The following PTPRN2 variants were observed in gnomAD, a reference collection of about 807,000 sequenced individuals.
PTPRN2 encodes protein tyrosine phosphatase receptor type N2.
In PTPRN2, 74 loss-of-function variants were observed where a neutral mutation model predicts 118.8. The observed-to-expected ratio is 0.62, with a 90% CI of 0.52 to 0.76. The LOEUF is 0.76. Ranked by LOEUF, PTPRN2 falls within the 30% of genes least tolerant of loss-of-function variation. PTPRN2 has a pLI of 0.00. For missense variants in PTPRN2, 1,481 were observed against 1,394.4 expected, an observed-to-expected ratio of 1.06 and a Z score of -0.99; for synonymous variants, 641 against 608.0, an observed-to-expected ratio of 1.05 and a Z score of -0.80.
chr7:157,786,141 C>T (rs376782666), intron 12 of PTPRN2, among the ~76,000 whole-genome samples: 5 of 152,298 alleles, frequency 3.3e-5, no homozygotes, highest in African/African-American at 1.2e-4. Context: ...CCCAGGCCCT[C>T]GGGCCAGCCC....
intron 2 of PTPRN2, among the ~76,000 whole-genome samples, chr7:158,367,118 T>C (rs1479474653): frequency 6.6e-6 from 1 of 152,174 alleles, no homozygotes; most frequent in Non-Finnish European, 1.5e-5. Flanking sequence ...TGCCCCAGGC[T>C]GCAGGGACAC....
At chr7:158,330,677 G>C (rs1323974126) in intron 2 of PTPRN2, among the ~76,000 whole-genome samples, 1 of 92,702 alleles carries the variant, frequency 1.1e-5, no homozygotes, top group African/African-American at 3.3e-5. Flanking sequence ...TAAGAGCTGA[G>C]GCACAAAGAG....
chr7:158,578,754 CTTT>C (rs1007986775), intron 1 of PTPRN2, among the ~76,000 whole-genome samples: 1 of 146,534 alleles, frequency 6.8e-6, no homozygotes, highest in Non-Finnish European at 1.5e-5. Flanking sequence ...TACTTCTTCT[CTTT>C]TTTTTTTTGT....
intron 2 of PTPRN2, among the ~76,000 whole-genome samples, chr7:158,469,034 G>GGC (rs1819631412): frequency 7.3e-6 from 1 of 137,920 alleles, no homozygotes; most frequent in Non-Finnish European, 1.6e-5. Context: ...CACACACTCC[G>GGC]GGTGGATCAA....
chr7:158,517,475 G>T lies in PTPRN2; in HGVS notation c.113-27690C>A, dbSNP rs1823654711. 6.6e-6 allele frequency among the ~76,000 whole-genome samples: 1 copy of T among 152,092 alleles called. No individual in the cohort carries two copies. The highest frequency in any genetic ancestry group is 1.5e-5 in the Non-Finnish European group (1 of 67,986). The stretch of plus-strand genomic sequence containing the variant: ...GTCCTTCCCAGACATCTCTTAAGGG[G>T]CCTGACTCTGCCTCAGCCCCACCGC... On this transcript the variant is annotated intron_variant, in intron 1 of 22. Transcript: ENST00000389418. This position sits in a 1 kb window ranked among gnomAD's most constrained non-coding sequence, Gnocchi z 5.3.
intron 9 of PTPRN2, among the ~76,000 whole-genome samples, chr7:158,117,393 A>C (rs201031772): frequency 1.3e-5 from 2 of 151,708 alleles, no homozygotes; most frequent in East Asian, 4.0e-4. Context: ...AGATTGAAGA[A>C]AAGTGACAAA....
chr7:157,567,749 C>T (rs777147847), intron 21 of PTPRN2, among the ~76,000 whole-genome samples: 2 of 152,172 alleles, frequency 1.3e-5, no homozygotes, highest in African/African-American at 2.4e-5. Context: ...TGTTTATTCA[C>T]AGCTGGGAAA....
In PTPRN2 at chr7:157,785,049, A is replaced by G. The variant is rs201092819; in HGVS notation, c.1789-102112T>C. Reference sequence around the variant, plus strand: ...CATTTTTCCACTTGTAACGGCTGTTACAGCCGCTGTTTCATCGCGTCGTCA... The same window carrying G: ...CATTTTTCCACTTGTAACGGCTGTTGCAGCCGCTGTTTCATCGCGTCGTCA... On this transcript the variant is annotated intron_variant, in intron 12 of 22. Transcript: ENST00000389418. This position sits in a 1 kb window ranked among gnomAD's most constrained non-coding sequence, Gnocchi z 7.3. 6.6e-6 allele frequency among the ~76,000 whole-genome samples: 1 copy of G among 151,994 alleles called. No homozygotes were observed. The highest frequency in any genetic ancestry group is 6.5e-5 in the Admixed American group (1 of 15,276).
chr7:158,077,507 C>G (rs1445392186), intron 11 of PTPRN2, among the ~76,000 whole-genome samples: 1 of 140,630 alleles, frequency 7.1e-6, no homozygotes. Flanking sequence ...GACAGGAGCC[C>G]CCCATGAGCC....
chr7:158,303,168 C>CAAAAAAAA (rs542953447), intron 3 of PTPRN2, among the ~76,000 whole-genome samples: 11 of 119,886 alleles, frequency 9.2e-5, no homozygotes, highest in African/African-American at 3.3e-4. Flanking sequence ...ACTAACCCAC[C>CAAAAAAAA]AAAAAAAAAA....
chr7:158,236,393 C>A (rs1829548381), intron 3 of PTPRN2, among the ~76,000 whole-genome samples: 1 of 152,118 alleles, frequency 6.6e-6, no homozygotes, highest in Non-Finnish European at 1.5e-5. Context: ...ACCCCTCTAG[C>A]CACCGTGCTC....
At chr7:158,326,842 C>CAT (rs1232351263) in intron 2 of PTPRN2, among the ~76,000 whole-genome samples, 2 of 826 alleles carry the variant, frequency 2.4e-3, no homozygotes, top group Non-Finnish European at 6.1e-3. Flanking sequence ...CTCTCACATG[C>CAT]ATTCTCACAC....
intron 2 of PTPRN2, among the ~76,000 whole-genome samples, chr7:158,399,345 C>G (rs1812769699): frequency 6.6e-6 from 1 of 152,140 alleles, no homozygotes; most frequent in South Asian, 2.1e-4. Context: ...CAGAAGCAGA[C>G]CTGGAATAAG....
intron 11 of PTPRN2, among the ~76,000 whole-genome samples, chr7:158,064,187 A>G (rs1352409405): frequency 6.6e-6 from 1 of 152,218 alleles, no homozygotes; most frequent in African/African-American, 2.4e-5. Context: ...TGAATTCCAC[A>G]TAGTTCATCT....
At chr7:157,721,976 C>T (rs1412008340) in intron 12 of PTPRN2, among the ~76,000 whole-genome samples, 1 of 152,218 alleles carries the variant, frequency 6.6e-6, no homozygotes, top group African/African-American at 2.4e-5. Context: ...AGACCACGTG[C>T]TGTGCGCAGC....
Position 157,587,139 on chromosome 7 carries a change from G to GCAGGCAGA in PTPRN2, c.2496+8091_2496+8098dup, listed in dbSNP as rs950227911. 2.6e-5 allele frequency among the ~76,000 whole-genome samples: 4 copies of GCAGGCAGA among 152,018 alleles called. No individual in the cohort carries two copies. The highest frequency in any genetic ancestry group is 1.9e-4 in the East Asian group (1 of 5,172). ...ACACAGCAGACAGGCAGATACACAG[G>GCAGGCAGA]CAGGCAGACAGGCAGACAGGCAGGC... On this transcript the variant is annotated intron_variant, in intron 17 of 22. Transcript: ENST00000389418. This position sits in a 1 kb window ranked among gnomAD's most constrained non-coding sequence, Gnocchi z 5.3.
chr7:158,000,301 A>C (rs963286200), intron 11 of PTPRN2, among the ~76,000 whole-genome samples: 1 of 152,172 alleles, frequency 6.6e-6, no homozygotes, highest in African/African-American at 2.4e-5. Context: ...GATTAAAACA[A>C]AAGGTTAAAG....
rs926330316 is a variant in PTPRN2, at chr7:157,627,185, G to C, written c.2197-5676C>G. On this transcript the variant is annotated intron_variant, in intron 14 of 22. Transcript: ENST00000389418. The surrounding 1 kb of genome is among the most constrained non-coding windows in gnomAD (Gnocchi z 4.2). ...CAGTGTGCACCGCACCTGCAGCTGGGTCTCCTCCGGGGCGTGAGCTCCTGG... is the reference window on the plus strand; with the variant it reads ...CAGTGTGCACCGCACCTGCAGCTGGCTCTCCTCCGGGGCGTGAGCTCCTGG... Among the ~76,000 whole-genome samples, 4 of 151,580 alleles carry C rather than the reference G, an allele frequency of 2.6e-5. No homozygotes were observed. The highest frequency in any genetic ancestry group is 5.9e-5 in the Non-Finnish European group (4 of 67,982).
chr7:157,544,727 G>A (rs1166883349), intron 22 of PTPRN2, among the ~76,000 whole-genome samples: 3 of 152,242 alleles, frequency 2.0e-5, no homozygotes, highest in Non-Finnish European at 2.9e-5. Context: ...GGGAAGGAAG[G>A]GAAGAACCCA....
Sources: allele counts gnomAD v4.1 joint callset (sites outside exome capture counted in the v4.1 genomes callset), GRCh38; gene constraint gnomAD v4.1.1; non-coding constraint Gnocchi (gnomAD v3.1); transcripts MANE v1.5; gene names NCBI Gene and HGNC (gene_info 2026-07-23, HGNC 2026-07-21).